IKBKB-DT: variants seen among roughly 807,000 people sequenced by gnomAD.
IKBKB-DT encodes the protein IKBKB divergent transcript.
At chr8:42,248,567 G>T (rs904292619) in intron 3 of IKBKB-DT, among the ~76,000 whole-genome samples, 1 of 152,096 alleles carries the variant, frequency 6.6e-6, no homozygotes, top group African/African-American at 2.4e-5. Flanking sequence ...ACTTTAATTG[G>T]GTGGGTATGC....
At chr8:42,239,636 T>TATATATATATATATATA (rs55662464) in intron 3 of IKBKB-DT, among the ~76,000 whole-genome samples, 447 of 28,014 alleles carry the variant, frequency 0.016, 32 homozygotes, top group Admixed American at 0.051. Context: ...ATATATATAT[T>TATATATATATATATATA]TATTTATTTA....
At chr8:42,261,062 A>G (rs1169267340) in intron 3 of IKBKB-DT, among the ~76,000 whole-genome samples, 2 of 152,106 alleles carry the variant, frequency 1.3e-5, no homozygotes, top group Non-Finnish European at 2.9e-5. Flanking sequence ...GTTATGGCCT[A>G]CATCTGTAAT....
intron 1 of IKBKB-DT, among the ~76,000 whole-genome samples, chr8:42,267,895 C>T (rs1038443356): frequency 2.4e-4 from 36 of 152,044 alleles, no homozygotes; most frequent in Admixed American, 2.0e-3. Flanking sequence ...CCTAGTAATA[C>T]GTGACCTTAT....
In IKBKB-DT at chr8:42,267,061, C is replaced by T. The variant is rs141835621; in HGVS notation, n.604-665G>A. ...TGTCGCCCAGGTTGGAGTACACTGG[C>T]GCGATCTTGGCTCACTGCAAGATCC... On this transcript the variant is annotated intron_variant and non_coding_transcript_variant, in intron 1 of 3. Transcript: ENST00000518213. 2.2e-4 allele frequency among the ~76,000 whole-genome samples: 33 copies of T among 147,872 alleles called. No individual in the cohort carries two copies. The East Asian group carries it at 6.2e-3, about 28-fold the overall frequency.
At chr8:42,235,158 C>CTTTTTT (rs60779879) in intron 3 of IKBKB-DT, among the ~76,000 whole-genome samples, 1 of 142,066 alleles carries the variant, frequency 7.0e-6, no homozygotes, top group African/African-American at 2.6e-5. Flanking sequence ...TTTTTTTTTT[C>CTTTTTT]TAACTCTTTT....
At chr8:42,259,446 T>G (rs963638648) in intron 3 of IKBKB-DT, among the ~76,000 whole-genome samples, 8 of 152,196 alleles carry the variant, frequency 5.3e-5, no homozygotes, top group Admixed American at 3.3e-4. Flanking sequence ...TGCTTCCATG[T>G]TTTATTATAT....
intron 3 of IKBKB-DT, among the ~76,000 whole-genome samples, chr8:42,260,265 AG>A (rs1807266267): frequency 6.6e-6 from 1 of 152,198 alleles, no homozygotes; most frequent in South Asian, 2.1e-4. Flanking sequence ...TAGGAGCTGC[AG>A]GATCAGCTTG....
intron 3 of IKBKB-DT, among the ~76,000 whole-genome samples, chr8:42,254,767 C>T: frequency 6.6e-6 from 1 of 150,826 alleles, no homozygotes; most frequent in African/African-American, 2.4e-5. Flanking sequence ...CTCTGCCCAG[C>T]CGCCCAACTG....
In IKBKB-DT at chr8:42,263,129, G is replaced by C. The variant is rs148168613; in HGVS notation, n.1529+200C>G. On this transcript the variant is annotated intron_variant and non_coding_transcript_variant, in intron 3 of 3. Transcript: ENST00000518213. Reference sequence around the variant, plus strand: ...TGGGCTCAAGTGATGCACCTACCTTGTCCTCCCAAAGTGCTGGGATTACAG... The same window carrying C: ...TGGGCTCAAGTGATGCACCTACCTTCTCCTCCCAAAGTGCTGGGATTACAG... 2.2e-3 allele frequency among the ~76,000 whole-genome samples: 330 copies of C among 152,122 alleles called. 3 individuals are homozygous for C. The highest frequency in any genetic ancestry group is 3.5e-3 in the Non-Finnish European group (235 of 67,986).
chr8:42,234,876 C>G (rs899660635), intron 3 of IKBKB-DT, among the ~76,000 whole-genome samples: 3 of 152,184 alleles, frequency 2.0e-5, no homozygotes, highest in African/African-American at 7.2e-5. Flanking sequence ...GTGATCTGCC[C>G]GCCTTGGCCT....
intron 1 of IKBKB-DT, among the ~76,000 whole-genome samples, chr8:42,269,462 A>AAGG (rs1432044897): frequency 3.8e-4 from 8 of 20,886 alleles, no homozygotes; most frequent in African/African-American, 1.1e-3. Context: ...AGGGGAGGGG[A>AAGG]GGGGAGGGGA....
chr8:42,269,524 GGAAGGAAAA>G (rs1215667089), intron 1 of IKBKB-DT, among the ~76,000 whole-genome samples: 4 of 123,208 alleles, frequency 3.2e-5, no homozygotes, highest in African/African-American at 9.2e-5. Flanking sequence ...GAGATAGGAA[GGAAGGAAAA>G]GAAGGAAAAG....
At chr8:42,270,972 A>G (rs1807607899) in exon 1 of IKBKB-DT, 1 of 218,978 alleles carries the variant, frequency 4.6e-6, no homozygotes, top group African/African-American at 2.4e-5. Context: ...AAATCATCCC[A>G]GCGGGGGCGC....
At chr8:42,246,517 T>C (rs1469109523) in intron 3 of IKBKB-DT, among the ~76,000 whole-genome samples, 5 of 152,208 alleles carry the variant, frequency 3.3e-5, no homozygotes, top group Admixed American at 3.3e-4. Context: ...ATAAAACTTA[T>C]ATGTCAGGAT....
intron 3 of IKBKB-DT, among the ~76,000 whole-genome samples, chr8:42,242,914 C>T (rs532584536): frequency 1.3e-5 from 2 of 152,314 alleles, no homozygotes; most frequent in Admixed American, 1.3e-4. Context: ...AACCAAAATG[C>T]AGGGTCTGTC....
intron 3 of IKBKB-DT, chr8:42,249,094 T>G (rs1807097775): frequency 6.6e-6 from 1 of 152,074 alleles, no homozygotes; most frequent in Non-Finnish European, 1.5e-5. Flanking sequence ...TTGGGCCGGG[T>G]GCAGTAGCTC....
intron 3 of IKBKB-DT, among the ~76,000 whole-genome samples, chr8:42,244,670 A>T (rs561809134): frequency 6.6e-6 from 1 of 152,222 alleles, no homozygotes; most frequent in African/African-American, 2.4e-5. Flanking sequence ...CCTCCCAATT[A>T]GAGTTTCATT....
chr8:42,269,932 G>A (rs539576751), intron 1 of IKBKB-DT, among the ~76,000 whole-genome samples: 1 of 152,218 alleles, frequency 6.6e-6, no homozygotes, highest in Admixed American at 6.5e-5. Flanking sequence ...TGTTTTGGCT[G>A]TTTTCAATTT....
At chr8:42,253,498 G>T (rs1322117078) in intron 3 of IKBKB-DT, among the ~76,000 whole-genome samples, 2 of 152,076 alleles carry the variant, frequency 1.3e-5, no homozygotes, top group South Asian at 4.1e-4. Context: ...AAGTCAGAAG[G>T]GTTGGAAAAA....
Sources: allele counts gnomAD v4.1 joint callset (sites outside exome capture counted in the v4.1 genomes callset), GRCh38; gene constraint gnomAD v4.1.1; transcripts MANE v1.5; gene names NCBI Gene and HGNC (gene_info 2026-07-23, HGNC 2026-07-21).